CYP4Z1: variants seen among roughly 807,000 people sequenced by gnomAD.
CYP4Z1 encodes the protein cytochrome P450 4Z1.
A neutral mutation model predicts 54.2 loss-of-function variants in CYP4Z1; 41 were observed. The ratio of observed to expected loss-of-function variants is 0.76; its 90% confidence interval spans 0.59 to 0.98. The LOEUF is 0.98. Among genes scored for constraint, CYP4Z1 ranks in the 50% least tolerant of loss-of-function variants. The pLI is 0.00. For synonymous variants in CYP4Z1, 163 were observed against 206.2 expected (o/e 0.79, Z 1.79); for missense variants, 513 against 599.0 (o/e 0.86, Z 1.50).
the CYP4Z1 span, among the ~76,000 whole-genome samples, chr1:47,059,186 T>G: frequency 6.6e-6 from 1 of 152,204 alleles, no homozygotes; most frequent in African/African-American, 2.4e-5. Context: ...ATAAATTTTA[T>G]TAACAATTTT....
chr1:47,105,911 A>G (rs1375563768), intron 8 of CYP4Z1, among the ~76,000 whole-genome samples: 1 of 119,206 alleles, frequency 8.4e-6, no homozygotes, highest in Non-Finnish European at 1.7e-5. Context: ...TAAGAGCCCT[A>G]TATCTGCGGG....
At chr1:47,087,646 A>T (rs1308001551) in intron 6 of CYP4Z1, among the ~76,000 whole-genome samples, 3 of 152,166 alleles carry the variant, frequency 2.0e-5, no homozygotes, top group Admixed American at 6.5e-5. Flanking sequence ...GCAAACAGGG[A>T]CAATGTGACA....
intron 8 of CYP4Z1, among the ~76,000 whole-genome samples, chr1:47,105,113 T>G (rs368763607): frequency 2.0e-5 from 3 of 152,140 alleles, no homozygotes; most frequent in Admixed American, 1.3e-4. Flanking sequence ...GAATTTGTCC[T>G]CAGGGTGCAT....
intron 9 of CYP4Z1, among the ~76,000 whole-genome samples, chr1:47,106,498 G>T (rs180918340): frequency 6.6e-6 from 1 of 152,146 alleles, no homozygotes; most frequent in East Asian, 1.9e-4. Flanking sequence ...GGGTGAGGGG[G>T]CCTTCGTGAA....
chr1:47,106,728 C>T (rs1172749995), intron 9 of CYP4Z1, among the ~76,000 whole-genome samples: 3 of 152,152 alleles, frequency 2.0e-5, no homozygotes, highest in Non-Finnish European at 4.4e-5. Context: ...TACCTGGAGC[C>T]ATGATGTAGC....
intron 9 of CYP4Z1, among the ~76,000 whole-genome samples, chr1:47,107,956 C>A (rs1246261720): frequency 1.3e-5 from 2 of 152,198 alleles, no homozygotes; most frequent in East Asian, 3.8e-4. Flanking sequence ...CTCCACCCGG[C>A]TGACTCAGTT....
chr1:47,070,207 A>G lies in CYP4Z1; in HGVS notation c.319+1444A>G. The stretch of plus-strand genomic sequence containing the variant: ...CAACCCTACAAGAGAAATTTTGAAC[A>G]CCCATTGTACCCTTCTCTAGTGTCA... On this transcript the variant is annotated intron_variant, in intron 2 of 11. Coordinates refer to ENST00000334194, the MANE Select transcript of CYP4Z1 (RefSeq NM_178134.3). Among the ~76,000 whole-genome samples the G allele has an allele frequency of 2.0e-5, 2 of 101,198 alleles. 1 individual carries two copies. The highest frequency in any genetic ancestry group is 8.6e-5 in the African/African-American group (2 of 23,202). 66.4% of individuals were successfully genotyped at this position (101,198 alleles called of 152,430 possible).
intron 9 of CYP4Z1, among the ~76,000 whole-genome samples, chr1:47,109,500 G>A (rs2148541101): frequency 6.6e-6 from 1 of 152,244 alleles, no homozygotes; most frequent in Non-Finnish European, 1.5e-5. Flanking sequence ...TCTTTTAAAA[G>A]TTAACTTTTA....
In CYP4Z1 at chr1:47,106,160, T is replaced by G; in HGVS notation, c.1100T>G (p.Met367Arg). The G allele has an allele frequency of 6.2e-7, 1 of 1,614,056 alleles. No homozygotes were observed. Among genetic ancestry groups the G allele is most frequent in the South Asian group, 1.1e-5 (1 of 91,066 alleles). ...CTGAGCCAGATGCCTTACACCACGA[T>G]GTGCATCAAGGAATGCCTCCGCCTC... is the stretch of plus-strand genomic sequence containing the variant. ...EHLSQMPYTT[M>R]CIKECLRLYA... Residue 367 changes from methionine to arginine, a missense_variant, in exon 9 of 12, where the codon ATG (methionine) becomes AGG (arginine). Transcript: ENST00000334194.
At chr1:47,105,562 A>C (rs936707483) in intron 8 of CYP4Z1, among the ~76,000 whole-genome samples, 2 of 152,196 alleles carry the variant, frequency 1.3e-5, no homozygotes, top group Non-Finnish European at 2.9e-5. Context: ...ATCCCCGCCA[A>C]ACAGGCTGCC....
At chr1:47,055,804 C>T in the CYP4Z1 span, among the ~76,000 whole-genome samples, 1 of 152,190 alleles carries the variant, frequency 6.6e-6, no homozygotes, top group African/African-American at 2.4e-5. Context: ...TTTGATTCTT[C>T]TCTCTTTTCT....
At chr1:47,056,169 C>A in the CYP4Z1 span, among the ~76,000 whole-genome samples, 7 of 152,116 alleles carry the variant, frequency 4.6e-5, no homozygotes, top group African/African-American at 1.7e-4. Context: ...GCCTTCATTT[C>A]TTTATGTACC....
At chr1:47,115,045 C>T (rs1363707802) in intron 9 of CYP4Z1, among the ~76,000 whole-genome samples, 1 of 152,110 alleles carries the variant, frequency 6.6e-6, no homozygotes, top group Non-Finnish European at 1.5e-5. Flanking sequence ...TGGAACCAAC[C>T]CAAATGTCCA....
At chr1:47,056,279 G>C in the CYP4Z1 span, among the ~76,000 whole-genome samples, 1 of 152,294 alleles carries the variant, frequency 6.6e-6, no homozygotes, top group East Asian at 1.9e-4. Flanking sequence ...AGTGTGGTCT[G>C]AGAGACAGTT....
chr1:47,099,720 C>G (rs1404919017), intron 8 of CYP4Z1, among the ~76,000 whole-genome samples: 1 of 152,108 alleles, frequency 6.6e-6, no homozygotes, highest in East Asian at 1.9e-4. Flanking sequence ...ATCACCATCT[C>G]TGAACCTTAA....
chr1:47,109,269 GGCTGCCAA>G (rs1226820613), intron 9 of CYP4Z1, among the ~76,000 whole-genome samples: 2 of 152,188 alleles, frequency 1.3e-5, no homozygotes, highest in African/African-American at 2.4e-5. Context: ...GGTAGGATTG[GGCTGCCAA>G]ATTAAACAAG....
chr1:47,091,659 CTGTT>C (rs1644638742), intron 6 of CYP4Z1, among the ~76,000 whole-genome samples: 1 of 149,648 alleles, frequency 6.7e-6, no homozygotes, highest in South Asian at 2.2e-4. Flanking sequence ...GCTTTACTGG[CTGTT>C]TGTTAACTAA....
In CYP4Z1 at chr1:47,117,909, A is replaced by T; in HGVS notation, c.1493A>T (p.His498Leu). The T allele has an allele frequency of 6.2e-7, 1 of 1,613,150 alleles. No homozygotes were observed. The highest frequency in any genetic ancestry group is 8.5e-7 in the Non-Finnish European group (1 of 1,179,644). Residue 498 changes from histidine (H) to leucine (L), a missense_variant, in exon 12 of 12, where the codon CAT (histidine) becomes CTT (leucine). Coordinates refer to ENST00000334194, the MANE Select transcript of CYP4Z1 (RefSeq NM_178134.3). ...QVVLKSKNGI[H>L]VFAKKVC Reference sequence around the variant, plus strand: ...GTCCTCAAGTCCAAGAATGGAATCCATGTGTTTGCAAAAAAAGTTTGCTAA... The same window carrying T: ...GTCCTCAAGTCCAAGAATGGAATCCTTGTGTTTGCAAAAAAAGTTTGCTAA...
chr1:47,115,467 G>GAAA, intron 9 of CYP4Z1, 62 bp from the exon 10 acceptor site: 2 of 1,118,302 alleles, frequency 1.8e-6, no homozygotes, highest in South Asian at 1.7e-5. Context: ...AAGTAAAAGA[G>GAAA]AAAAAAAAAA....
Sources: allele counts gnomAD v4.1 joint callset (sites outside exome capture counted in the v4.1 genomes callset), GRCh38; gene constraint gnomAD v4.1.1; transcripts MANE v1.5; gene names NCBI Gene and HGNC (gene_info 2026-07-23, HGNC 2026-07-21).